The following IL15 variants were observed in gnomAD, a reference collection of about 807,000 sequenced individuals.
IL15 encodes the protein interleukin-15.
Under a neutral mutation model 19.6 loss-of-function variants are expected in IL15, and 11 were observed. The observed-to-expected ratio is 0.56, with a 90% CI of 0.35 to 0.93. The LOEUF (loss-of-function observed/expected upper bound fraction) is 0.93, where lower values mean the gene tolerates loss of function less well. Among genes scored for constraint, IL15 ranks in the 40% least tolerant of loss-of-function variants. IL15 has a pLI of 0.01. For missense variants in IL15, 197 were observed against 186.5 expected, an observed-to-expected ratio of 1.06 and a Z score of -0.33; for synonymous variants, 58 against 59.6, an observed-to-expected ratio of 0.97 and a Z score of 0.12.
At chr4:141,649,493 G>T (rs1442608425) in intron 1 of IL15, among the ~76,000 whole-genome samples, 1 of 151,990 alleles carries the variant, frequency 6.6e-6, no homozygotes, top group Non-Finnish European at 1.5e-5. Flanking sequence ...CCTATAGAGG[G>T]TGCTACCTTG....
At chr4:141,649,894 A>G (rs1304625734) in intron 1 of IL15, among the ~76,000 whole-genome samples, 1 of 152,126 alleles carries the variant, frequency 6.6e-6, no homozygotes, top group Non-Finnish European at 1.5e-5. Context: ...ACTAAAGTAT[A>G]TCTATGAAAA....
intron 2 of IL15, chr4:141,715,131 C>G (rs1338182428): frequency 6.6e-6 from 1 of 152,084 alleles, no homozygotes. Flanking sequence ...TTCTCTTTTT[C>G]CTCCTGTACC....
In IL15 at chr4:141,731,741, G is replaced by A. The variant is rs536458635; in HGVS notation, c.379-997G>A. 8.1e-4 allele frequency among the ~76,000 whole-genome samples: 123 copies of A among 152,326 alleles called. 3 individuals are homozygous for A. In the East Asian group the frequency reaches 0.019, roughly 23 times the overall value. ...GGACAGCATTATATGAAATATGACA[G>A]TGCTTGGCATAGAGGATGTGCTTGA... On this transcript the variant is annotated intron_variant, in intron 7 of 7. Transcript: ENST00000320650.
chr4:141,646,261 C>G (rs1293923238), intron 1 of IL15, among the ~76,000 whole-genome samples: 2 of 152,040 alleles, frequency 1.3e-5, no homozygotes, highest in Admixed American at 1.3e-4. Flanking sequence ...AATTCTGTTA[C>G]AGTGGATATT....
chr4:141,698,164 T>C (rs1442504945), intron 2 of IL15, among the ~76,000 whole-genome samples: 1 of 152,132 alleles, frequency 6.6e-6, no homozygotes, highest in African/African-American at 2.4e-5. Context: ...TGTTAAACCA[T>C]CCCTGCAACT....
Position 141,732,867 on chromosome 4 carries a change from A to G in IL15, c.*19A>G, listed in dbSNP as rs372001181. On this transcript the variant is annotated 3_prime_UTR_variant, in exon 8 of 8. Transcript: ENST00000320650. Reference sequence around the variant, plus strand: ...TTCTTGATTGCAATTGATTCTTTTTAAAGTGTTTCTGTTATTAACAAACAT... The same window carrying G: ...TTCTTGATTGCAATTGATTCTTTTTGAAGTGTTTCTGTTATTAACAAACAT... 6.4e-5 allele frequency: 102 copies of G among 1,602,440 alleles called. No individual in the cohort carries two copies. The highest frequency in any genetic ancestry group is 8.0e-5 in the Non-Finnish European group (94 of 1,176,596).
chr4:141,657,970 C>G (rs1242334089), intron 2 of IL15, among the ~76,000 whole-genome samples: 1 of 152,156 alleles, frequency 6.6e-6, no homozygotes, highest in African/African-American at 2.4e-5. Flanking sequence ...ACTGGCAGCA[C>G]AGTAAGTGTG....
chr4:141,693,016 C>CCAAAAAAAAAAAAAAA (rs1728968337), intron 2 of IL15, among the ~76,000 whole-genome samples: 7 of 23,232 alleles, frequency 3.0e-4, no homozygotes, highest in Non-Finnish European at 5.4e-4. Flanking sequence ...GACTCCGTCT[C>CCAAAAAAAAAAAAAAA]AAAAAAAAAA....
intron 1 of IL15, among the ~76,000 whole-genome samples, chr4:141,640,453 G>A (rs1158969320): frequency 6.6e-6 from 1 of 152,124 alleles, no homozygotes; most frequent in African/African-American, 2.4e-5. Context: ...AAACTCAGGT[G>A]TTCAGTGTAC....
At chr4:141,649,103 G>A (rs796747039) in intron 1 of IL15, among the ~76,000 whole-genome samples, 81 of 152,066 alleles carry the variant, frequency 5.3e-4, no homozygotes, top group African/African-American at 2.0e-3. Flanking sequence ...CAAATATTTT[G>A]ACATGTTTCT....
At chr4:141,711,071 T>G (rs574935926) in intron 2 of IL15, among the ~76,000 whole-genome samples, 1 of 152,302 alleles carries the variant, frequency 6.6e-6, no homozygotes, top group East Asian at 1.9e-4. Context: ...ATATTTTCTA[T>G]ATCATGGTTG....
chr4:141,722,945 C>T (rs1730137927), intron 5 of IL15, among the ~76,000 whole-genome samples: 1 of 151,866 alleles, frequency 6.6e-6, no homozygotes, highest in South Asian at 2.1e-4. Flanking sequence ...AATTTGACAA[C>T]AGAATACTAG....
rs185041974 is a variant in IL15, at chr4:141,640,530, G to A, written c.-222+3782G>A. 3.0e-3 allele frequency among the ~76,000 whole-genome samples: 449 copies of A among 152,162 alleles called. 2 individuals carry two copies. The highest frequency in any genetic ancestry group is 0.014 in the Middle Eastern group (4 of 294). On this transcript the variant is annotated intron_variant, in intron 1 of 7. Transcript: ENST00000320650. ...TGGTCACCATTTGGGGTGATTTAATGCTATTTATGAATTTGCCTATGTCAA... is the reference window on the plus strand; with the variant it reads ...TGGTCACCATTTGGGGTGATTTAATACTATTTATGAATTTGCCTATGTCAA...
intron 2 of IL15, among the ~76,000 whole-genome samples, chr4:141,679,235 C>T (rs74669100): frequency 0.024 from 3,649 of 152,106 alleles, 153 homozygotes; most frequent in African/African-American, 0.082. Context: ...ATAAGCAAGC[C>T]GTTCCACAGT....
chr4:141,690,383 G>A (rs1579023400), intron 2 of IL15, among the ~76,000 whole-genome samples: 1 of 152,192 alleles, frequency 6.6e-6, no homozygotes, highest in East Asian at 1.9e-4. Context: ...CCGAGAGCGA[G>A]CGAGGGCTGT....
intron 2 of IL15, among the ~76,000 whole-genome samples, chr4:141,685,406 C>T (rs1162740809): frequency 6.6e-6 from 1 of 152,134 alleles, no homozygotes; most frequent in Non-Finnish European, 1.5e-5. Flanking sequence ...AAAAGAGCAA[C>T]AAACCCTAAG....
intron 2 of IL15, chr4:141,704,548 G>T: frequency 3.1e-6 from 1 of 323,016 alleles, no homozygotes; most frequent in Non-Finnish European, 6.3e-6. Context: ...TCGGATTAAT[G>T]CAGGCATTAT....
At position 141,693,016 on chromosome 4, in the gene IL15, C is replaced by CAAAAAAAAAAAAAAAAAAAAAAAAAAA. The variant is rs70949131; in HGVS notation, c.-99-26324_-99-26323insAAAAAAAAAAAAAAAAAAAAAAAAAAA. On this transcript the variant is annotated intron_variant, in intron 2 of 7. Transcript: ENST00000320650. ...AGGGGAACAGAGCAAGACTCCGTCT[C>CAAAAAAAAAAAAAAAAAAAAAAAAAAA]AAAAAAAAAAAAAAAAAAAAAAAAA... 1.1e-3 allele frequency among the ~76,000 whole-genome samples: 25 copies of CAAAAAAAAAAAAAAAAAAAAAAAAAAA among 23,242 alleles called. 6 individuals are homozygous for CAAAAAAAAAAAAAAAAAAAAAAAAAAA. Among genetic ancestry groups the CAAAAAAAAAAAAAAAAAAAAAAAAAAA allele is most frequent in the African/African-American group, 1.9e-3 (12 of 6,314 alleles). 15.2% of individuals were successfully genotyped at this position (23,242 alleles called of 152,430 possible).
At chr4:141,673,960 C>T (rs1050558541) in intron 2 of IL15, among the ~76,000 whole-genome samples, 1 of 152,166 alleles carries the variant, frequency 6.6e-6, no homozygotes, top group Non-Finnish European at 1.5e-5. Context: ...ATTGAACATT[C>T]ACAGCATTTG....
Sources: gnomAD v4.1 joint callset for allele counts (sites outside exome capture counted in the v4.1 genomes callset) on GRCh38, gnomAD v4.1.1 for gene constraint, MANE v1.5 for transcripts, NCBI Gene and HGNC (gene_info 2026-07-23, HGNC 2026-07-21) for gene names.